The following ADAT2 variants were observed in gnomAD, a reference collection of about 807,000 sequenced individuals.
The protein encoded by ADAT2 is tRNA-specific adenosine-34 deaminase catalytic subunit ADAT2.
In ADAT2, 26 loss-of-function variants were observed where a neutral mutation model predicts 25.9. The ratio of observed to expected loss-of-function variants is 1.00; its 90% confidence interval spans 0.74 to 1.39. The LOEUF is 1.39. Among genes scored for constraint, ADAT2 ranks in the 40% most tolerant of loss-of-function variants. The pLI is 0.00. For missense variants in ADAT2, 220 were observed against 244.8 expected, an observed-to-expected ratio of 0.90 and a Z score of 0.68; for synonymous variants, 76 against 86.8, an observed-to-expected ratio of 0.88 and a Z score of 0.69.
chr6:143,443,657 C>T (rs1205039002), intron 1 of ADAT2, among the ~76,000 whole-genome samples: 2 of 151,744 alleles, frequency 1.3e-5, no homozygotes, highest in African/African-American at 4.8e-5. Context: ...ATTGTGAAAC[C>T]CCATCTCTAC....
rs1779015068 is a variant in ADAT2, at chr6:143,428,684, A to G, written c.460T>C (p.Cys154Arg). 1 of 1,613,892 alleles carries G rather than the reference A, an allele frequency of 6.2e-7. No homozygotes were observed. Among genetic ancestry groups the G allele is most frequent in the African/African-American group, 1.3e-5 (1 of 75,044 alleles). Reference sequence around the variant, plus strand: ...TCCTCAGCCCGATATCCAGGGATACACTGATGGAATGAGAAAGTTGAGAAT... The same window carrying G: ...TCCTCAGCCCGATATCCAGGGATACGCTGATGGAATGAGAAAGTTGAGAAT... ...DLPNTGRPFQ[C>R]IPGYRAEEAV... Residue 154 changes from cysteine to arginine, a missense_variant and splice_region_variant, in exon 5 of 6, where the codon TGT becomes CGT. Coordinates refer to ENST00000237283, the MANE Select transcript of ADAT2 (RefSeq NM_182503.3). The surrounding 1 kb of genome is among the most constrained non-coding windows in gnomAD (Gnocchi z 5.0).
Position 143,442,611 on chromosome 6 carries a change from T to C in ADAT2, c.97-3917A>G, listed in dbSNP as rs1779495996. ...CTATAGCTATGCAAGATGTTACCAC[T>C]GAAGGACACTAGACACTTGGGTCCT... On this transcript the variant is annotated intron_variant, in intron 1 of 5. Coordinates refer to ENST00000237283, the MANE Select transcript of ADAT2 (RefSeq NM_182503.3). This position sits in a 1 kb window ranked among gnomAD's most constrained non-coding sequence, Gnocchi z 4.6. 6.6e-6 allele frequency among the ~76,000 whole-genome samples: 1 copy of C among 152,202 alleles called. No homozygotes were observed. Among genetic ancestry groups the C allele is most frequent in the African/African-American group, 2.4e-5 (1 of 41,462 alleles).
In ADAT2 at chr6:143,428,322, C is replaced by T. The variant is rs1779000079; in HGVS notation, c.*141G>A. ...AAAAAGTGCTAATTTGTTCCCTTAACAGAGCAAATGATGAGAGACACCATT... is the reference window on the plus strand; with the variant it reads ...AAAAAGTGCTAATTTGTTCCCTTAATAGAGCAAATGATGAGAGACACCATT... On this transcript the variant is annotated 3_prime_UTR_variant, in exon 6 of 6. Coordinates refer to ENST00000237283, the MANE Select transcript of ADAT2 (RefSeq NM_182503.3). This position sits in a 1 kb window ranked among gnomAD's most constrained non-coding sequence, Gnocchi z 5.0. 1 of 907,136 alleles carries T rather than the reference C, an allele frequency of 1.1e-6. No individual in the cohort carries two copies. The highest frequency in any genetic ancestry group is 1.7e-5 in the African/African-American group (1 of 59,048). The allele number at this position is 907,136 out of a possible 1,614,324, so 56.2% of individuals were successfully genotyped here. A position where few individuals can be genotyped will look rare whatever the true frequency, so the allele number is the denominator to read the frequency against.
Position 143,432,165 on chromosome 6 carries a change from G to A in ADAT2, c.459+340C>T, listed in dbSNP as rs143441507. ...GCCAAGCATCACCAAACTTGGTAGA[G>A]CATAGAGCTGGTAACGTTCATTGAA... is the stretch of plus-strand genomic sequence containing the variant. On this transcript the variant is annotated intron_variant, in intron 4 of 5. Transcript: ENST00000237283. This position sits in a 1 kb window ranked among gnomAD's most constrained non-coding sequence, Gnocchi z 4.4. Among the ~76,000 whole-genome samples the A allele has an allele frequency of 0.011, 1,704 of 152,302 alleles. 26 individuals carry two copies. The highest frequency in any genetic ancestry group is 0.039 in the African/African-American group (1,608 of 41,550).
rs1479249745 is a variant in ADAT2, at chr6:143,442,064, G to T, written c.97-3370C>A. 1 of 152,194 alleles carries T rather than the reference G, an allele frequency of 6.6e-6. No homozygotes were observed. The highest frequency in any genetic ancestry group is 2.4e-5 in the African/African-American group (1 of 41,446). The allele number at this position is 152,194 out of a possible 1,614,324, so 9.4% of individuals were successfully genotyped here. A position where few individuals can be genotyped will look rare whatever the true frequency, so the allele number is the denominator to read the frequency against. On this transcript the variant is annotated intron_variant, in intron 1 of 5. Transcript: ENST00000237283. This position sits in a 1 kb window ranked among gnomAD's most constrained non-coding sequence, Gnocchi z 4.6. Reference sequence around the variant, plus strand: ...TCCACTCTTGGGCATTTATCCCAGAGAAATGAAAACCTATGCTCACACAAT... The same window carrying T: ...TCCACTCTTGGGCATTTATCCCAGATAAATGAAAACCTATGCTCACACAAT...
intron 1 of ADAT2, chr6:143,449,985 A>AAGT (rs1441103572): frequency 1.3e-5 from 2 of 152,306 alleles, no homozygotes; most frequent in African/African-American, 4.8e-5. Context: ...ATTAAAATGT[A>AAGT]AATACATATA....
chr6:143,450,174 C>A (rs558972158), intron 1 of ADAT2, among the ~76,000 whole-genome samples: 1 of 152,212 alleles, frequency 6.6e-6, no homozygotes, highest in South Asian at 2.1e-4. Flanking sequence ...CTGCTCTCTA[C>A]CAGAAACGTT....
chr6:143,427,082 T>C lies in ADAT2; in HGVS notation c.*1381A>G, dbSNP rs1778953537. 9.1e-6 allele frequency: 1 copy of C among 109,580 alleles called. No homozygotes were observed. Among genetic ancestry groups the C allele is most frequent in the Non-Finnish European group, 2.1e-5 (1 of 47,858 alleles). 6.8% of individuals were successfully genotyped at this position (109,580 alleles called of 1,614,324 possible). A position where few individuals can be genotyped will look rare whatever the true frequency, so the allele number is the denominator to read the frequency against. On this transcript the variant is annotated 3_prime_UTR_variant, in exon 6 of 6. Transcript: ENST00000237283. ...ATCATGCATATTCTCCATAAAACTT[T>C]TCAAATGCAGTTAAACACACACACA...
In ADAT2 at chr6:143,432,389, G is replaced by T; in HGVS notation, c.459+116C>A. On this transcript the variant is annotated intron_variant, in intron 4 of 5. Transcript: ENST00000237283. This position sits in a 1 kb window ranked among gnomAD's most constrained non-coding sequence, Gnocchi z 4.4. ...CTCCACCAGAGGCCCTGAGATCAAAGATGTCTGATTCTATCATCGTTTCTT... is the reference window on the plus strand; with the variant it reads ...CTCCACCAGAGGCCCTGAGATCAAATATGTCTGATTCTATCATCGTTTCTT... 1 of 947,438 alleles carries T rather than the reference G, an allele frequency of 1.1e-6. No homozygotes were observed. The highest frequency in any genetic ancestry group is 1.6e-6 in the Non-Finnish European group (1 of 614,746). 58.7% of individuals were successfully genotyped at this position (947,438 alleles called of 1,614,324 possible). A position where few individuals can be genotyped will look rare whatever the true frequency, so the allele number is the denominator to read the frequency against.
intron 4 of ADAT2, among the ~76,000 whole-genome samples, chr6:143,429,464 T>TC (rs1779046205): frequency 2.6e-5 from 4 of 151,924 alleles, no homozygotes; most frequent in Non-Finnish European, 5.9e-5. Context: ...TAAGGAGTGT[T>TC]ATATGAAATA....
rs963246293 is a variant in ADAT2 at position 143,432,700 on chromosome 6, A to T, written c.353-89T>A. The T allele has an allele frequency of 4.9e-6, 6 of 1,222,786 alleles. No individual in the cohort carries two copies. The African/African-American group carries it at 7.5e-5, about 15-fold the overall frequency. 75.7% of individuals were successfully genotyped at this position (1,222,786 alleles called of 1,614,324 possible). ...AGTAGGTTTATACCAGCCATCCTGGAGAGGAACGCTCATGCTACTCTTCAA... is the reference window on the plus strand; with the variant it reads ...AGTAGGTTTATACCAGCCATCCTGGTGAGGAACGCTCATGCTACTCTTCAA... On this transcript the variant is annotated intron_variant, in intron 3 of 5. Transcript: ENST00000237283. This position sits in a 1 kb window ranked among gnomAD's most constrained non-coding sequence, Gnocchi z 4.4.
Position 143,432,563 on chromosome 6 carries a change from C to A in ADAT2, c.401G>T (p.Cys134Phe). ...AGAGGCAATATTTAGAACAGAGCCA[C>A]AACCACCAAATCGTTCATTCTGACA... Reference protein sequence around the residue: ...YGCQNERFGGCGSVLNIASAD... With the variant: ...YGCQNERFGGFGSVLNIASAD... Residue 134 changes from cysteine (C) to phenylalanine (F), a missense_variant, in exon 4 of 6, where the codon TGT becomes TTT. Transcript: ENST00000237283. This position sits in a 1 kb window ranked among gnomAD's most constrained non-coding sequence, Gnocchi z 4.4. 5.6e-6 allele frequency: 9 copies of A among 1,614,214 alleles called. No individual in the cohort carries two copies. Among genetic ancestry groups the A allele is most frequent in the Non-Finnish European group, 7.6e-6 (9 of 1,180,038 alleles).
Position 143,432,850 on chromosome 6 carries a change from G to T in ADAT2, c.353-239C>A, listed in dbSNP as rs1779158061. Among the ~76,000 whole-genome samples, 1 of 152,214 alleles carries T rather than the reference G, an allele frequency of 6.6e-6. No homozygotes were observed. Among genetic ancestry groups the T allele is most frequent in the Non-Finnish European group, 1.5e-5 (1 of 68,036 alleles). ...CAGAATGAAAACTGAGTATGTGTTTGCTTAAAGTTCACAGTTCAGGGCTCT... is the reference window on the plus strand; with the variant it reads ...CAGAATGAAAACTGAGTATGTGTTTTCTTAAAGTTCACAGTTCAGGGCTCT... On this transcript the variant is annotated intron_variant, in intron 3 of 5. Transcript: ENST00000237283. This position sits in a 1 kb window ranked among gnomAD's most constrained non-coding sequence, Gnocchi z 4.4.
At chr6:143,443,070 T>C (rs1319305167) in intron 1 of ADAT2, among the ~76,000 whole-genome samples, 3 of 152,244 alleles carry the variant, frequency 2.0e-5, no homozygotes, top group Admixed American at 6.5e-5. Context: ...TTAAGCATTT[T>C]ATAAGTATTA....
intron 1 of ADAT2, among the ~76,000 whole-genome samples, chr6:143,439,297 A>G (rs1043154133): frequency 6.6e-6 from 1 of 151,478 alleles, no homozygotes. Flanking sequence ...CACACAGTCT[A>G]TAACAAAATT....
chr6:143,446,508 G>A lies in ADAT2; in HGVS notation c.96+4055C>T, dbSNP rs1338063359. On this transcript the variant is annotated intron_variant, in intron 1 of 5. Coordinates refer to ENST00000237283, the MANE Select transcript of ADAT2 (RefSeq NM_182503.3). This position sits in a 1 kb window ranked among gnomAD's most constrained non-coding sequence, Gnocchi z 5.0. ...AAAATACAAAGAGCTCCTACAGTGCGATTTTTTAAATCAAACTATTACAAA... is the reference window on the plus strand; with the variant it reads ...AAAATACAAAGAGCTCCTACAGTGCAATTTTTTAAATCAAACTATTACAAA... Among the ~76,000 whole-genome samples the A allele has an allele frequency of 3.9e-5, 6 of 151,960 alleles. No individual in the cohort carries two copies. Among genetic ancestry groups the A allele is most frequent in the Admixed American group, 6.6e-5 (1 of 15,262 alleles).
Position 143,425,736 on chromosome 6 carries a change from TGTGTGTG to T in ADAT2, c.*2720_*2726del, listed in dbSNP as rs1408594588. The T allele has an allele frequency of 7.0e-4, 49 of 69,548 alleles. No homozygotes were observed. The highest frequency in any genetic ancestry group is 2.3e-3 in the African/African-American group (48 of 20,456). The allele number at this position is 69,548 out of a possible 1,614,324, so 4.3% of individuals were successfully genotyped here. A position where few individuals can be genotyped will look rare whatever the true frequency, so the allele number is the denominator to read the frequency against. ...AAAGGGCCATGGTGTGTTGTGTTTG[TGTGTGTG>T]TGTGTGTGTGTGTGTGTGTGTGTGT... On this transcript the variant is annotated 3_prime_UTR_variant, in exon 6 of 6. Coordinates refer to ENST00000237283, the MANE Select transcript of ADAT2 (RefSeq NM_182503.3).
chr6:143,438,744 G>T, intron 1 of ADAT2, 50 bp from the exon 2 acceptor site: 1 of 1,435,220 alleles, frequency 7.0e-7, no homozygotes, highest in African/African-American at 1.4e-5. Flanking sequence ...TACTTGAAGA[G>T]AGTATAGGAG....
Position 143,436,575 on chromosome 6 carries a change from G to T in ADAT2, c.201+2015C>A. Reference sequence around the variant, plus strand: ...CCTTCCTGCACTGGTACATGGGCGAGGGCAAGAATGAGATGGAATTCACTG... The same window carrying T: ...CCTTCCTGCACTGGTACATGGGCGATGGCAAGAATGAGATGGAATTCACTG... On this transcript the variant is annotated intron_variant, in intron 2 of 5. Coordinates refer to ENST00000237283, the MANE Select transcript of ADAT2 (RefSeq NM_182503.3). This position sits in a 1 kb window ranked among gnomAD's most constrained non-coding sequence, Gnocchi z 4.1. The T allele has an allele frequency of 2.4e-6, 1 of 411,022 alleles. No individual in the cohort carries two copies. Among genetic ancestry groups the T allele is most frequent in the Non-Finnish European group, 5.0e-6 (1 of 200,700 alleles). 25.5% of individuals were successfully genotyped at this position (411,022 alleles called of 1,614,324 possible).
Sources: allele counts gnomAD v4.1 joint callset (sites outside exome capture counted in the v4.1 genomes callset), GRCh38; gene constraint gnomAD v4.1.1; non-coding constraint Gnocchi (gnomAD v3.1); transcripts MANE v1.5; gene names NCBI Gene and HGNC (gene_info 2026-07-23, HGNC 2026-07-21).